Variants in ARHGAP26 observed in about 807,000 individuals in gnomAD.
ARHGAP26 encodes the protein rho GTPase-activating protein 26.
ARHGAP26 carries 38 observed loss-of-function variants against 104.8 expected under a neutral mutation model. That is an observed-to-expected ratio of 0.36 (90% CI 0.28 to 0.48). The LOEUF is 0.48. ARHGAP26 is among the 20% of genes least tolerant of loss of function. The pLI, the probability that ARHGAP26 is intolerant of heterozygous loss-of-function variation, is 0.99. For missense variants in ARHGAP26, 704 were observed against 947.9 expected, an observed-to-expected ratio of 0.74 and a Z score of 3.38; for synonymous variants, 341 against 340.0, an observed-to-expected ratio of 1.00 and a Z score of -0.03.
chr5:142,925,223 C>T (rs967636675), intron 10 of ARHGAP26, among the ~76,000 whole-genome samples: 1 of 152,206 alleles, frequency 6.6e-6, no homozygotes, highest in Non-Finnish European at 1.5e-5. Flanking sequence ...CTGTTGCCCA[C>T]CTCCCCCATG....
At chr5:142,797,569 T>A (rs1023316261) in intron 1 of ARHGAP26, among the ~76,000 whole-genome samples, 1 of 152,218 alleles carries the variant, frequency 6.6e-6, no homozygotes, top group Non-Finnish European at 1.5e-5. Context: ...CCTACGTGGT[T>A]GCTTTTGTTG....
intron 17 of ARHGAP26, among the ~76,000 whole-genome samples, chr5:143,075,998 C>CTTGTTT (rs1270566541): frequency 3.3e-5 from 5 of 149,724 alleles, no homozygotes; most frequent in South Asian, 2.1e-4. Flanking sequence ...TGTGCCTGGC[C>CTTGTTT]TTGTTTTTGT....
chr5:143,024,999 G>T (rs986181630), intron 12 of ARHGAP26, among the ~76,000 whole-genome samples: 1 of 152,078 alleles, frequency 6.6e-6, no homozygotes, highest in Non-Finnish European at 1.5e-5. Context: ...TGGTTTTTTT[G>T]GAAGAATAAA....
chr5:143,092,712 GT>G (rs945707256), intron 17 of ARHGAP26, among the ~76,000 whole-genome samples: 6 of 152,198 alleles, frequency 3.9e-5, no homozygotes, highest in Non-Finnish European at 7.3e-5. Flanking sequence ...AACCTTTTAA[GT>G]TTGGGATTTC....
At chr5:142,892,609 TG>T (rs1472369683) in intron 5 of ARHGAP26, among the ~76,000 whole-genome samples, 2 of 152,090 alleles carry the variant, frequency 1.3e-5, no homozygotes, top group African/African-American at 4.8e-5. Flanking sequence ...TATTTCTGTT[TG>T]GTTTGTTGAT....
At chr5:142,963,187 T>TGTATGTATATATATATACATAC (rs1562164609) in intron 11 of ARHGAP26, among the ~76,000 whole-genome samples, 1 of 96,202 alleles carries the variant, frequency 1.0e-5, no homozygotes, top group African/African-American at 5.7e-5. Context: ...TATATATATA[T>TGTATGTATATATATATACATAC]ATATATATAT....
chr5:143,063,711 A>G (rs1487232701), intron 17 of ARHGAP26, among the ~76,000 whole-genome samples: 1 of 152,160 alleles, frequency 6.6e-6, no homozygotes, highest in Non-Finnish European at 1.5e-5. Flanking sequence ...CCTGTCTGGA[A>G]TGGCCCCTCC....
chr5:143,115,503 A>G (rs747124808), intron 17 of ARHGAP26, among the ~76,000 whole-genome samples: 6 of 151,798 alleles, frequency 4.0e-5, no homozygotes, highest in Non-Finnish European at 5.9e-5. Flanking sequence ...AGTGGAGAAG[A>G]TGCAACCTCT....
At chr5:143,199,657 A>C (rs1401000259) in intron 20 of ARHGAP26, among the ~76,000 whole-genome samples, 1 of 152,134 alleles carries the variant, frequency 6.6e-6, no homozygotes, top group South Asian at 2.1e-4. Flanking sequence ...TGACAGCATA[A>C]AGACCAGCCC....
intron 10 of ARHGAP26, among the ~76,000 whole-genome samples, chr5:142,926,763 CT>C (rs1763964808): frequency 6.6e-6 from 1 of 152,068 alleles, no homozygotes; most frequent in African/African-American, 2.4e-5. Context: ...TGGGTTGTTT[CT>C]TTTCCCTTTG....
At chr5:143,200,953 A>G (rs1807626254) in intron 20 of ARHGAP26, among the ~76,000 whole-genome samples, 1 of 152,222 alleles carries the variant, frequency 6.6e-6, no homozygotes, top group African/African-American at 2.4e-5. Context: ...GTGAGTCACC[A>G]CAGAAGGGTG....
At chr5:143,035,905 C>T (rs1782561139) in intron 12 of ARHGAP26, among the ~76,000 whole-genome samples, 1 of 141,518 alleles carries the variant, frequency 7.1e-6, no homozygotes, top group African/African-American at 2.7e-5. Context: ...CACTGCACTC[C>T]AGCTTGAGCG....
chr5:142,837,966 T>C (rs563989736), intron 1 of ARHGAP26, among the ~76,000 whole-genome samples: 2 of 152,226 alleles, frequency 1.3e-5, no homozygotes, highest in South Asian at 2.1e-4. Flanking sequence ...AGGTATGACA[T>C]GTTGAGGGTA....
chr5:143,171,862 A>C (rs139248144), intron 20 of ARHGAP26, among the ~76,000 whole-genome samples: 1 of 152,094 alleles, frequency 6.6e-6, no homozygotes, highest in African/African-American at 2.4e-5. Context: ...TACTGATTAC[A>C]TTTCCCATTT....
At chr5:143,157,369 C>A (rs1659183) in intron 20 of ARHGAP26, among the ~76,000 whole-genome samples, 2 of 151,624 alleles carry the variant, frequency 1.3e-5, no homozygotes, top group Admixed American at 6.6e-5. Context: ...GCAGAGACAG[C>A]GTTTCACCAT....
At chr5:142,802,843 C>T (rs1762324985) in intron 1 of ARHGAP26, among the ~76,000 whole-genome samples, 1 of 152,144 alleles carries the variant, frequency 6.6e-6, no homozygotes, top group South Asian at 2.1e-4. Context: ...GAGGCCCAAA[C>T]CTGAGTTAGA....
At chr5:143,001,661 C>A (rs903484965) in intron 11 of ARHGAP26, among the ~76,000 whole-genome samples, 2 of 152,192 alleles carry the variant, frequency 1.3e-5, no homozygotes, top group Non-Finnish European at 2.9e-5. Context: ...GGAGTGGATT[C>A]TGCCTGTGAT....
chr5:142,986,473 A>G (rs1357272326), intron 11 of ARHGAP26, among the ~76,000 whole-genome samples: 8 of 152,154 alleles, frequency 5.3e-5, no homozygotes, highest in Non-Finnish European at 1.0e-4. Context: ...GCTCACTCTT[A>G]TGATAGTTCT....
chr5:143,192,134 GCAATT>G lies in ARHGAP26; in HGVS notation c.1989-15059_1989-15055del, dbSNP rs1321239253. On this transcript the variant is annotated intron_variant, in intron 20 of 22. Coordinates refer to ENST00000645722, the MANE Select transcript of ARHGAP26 (RefSeq NM_001135608.3). ...GAGATAAAAGAGGGATAAGACAACT[GCAATT>G]CAATGTAGCATCAAGACGGGAAGAA... is the stretch of plus-strand genomic sequence containing the variant. 2.6e-5 allele frequency among the ~76,000 whole-genome samples: 4 copies of G among 152,324 alleles called. No individual in the cohort carries two copies. In the East Asian group the frequency reaches 7.7e-4, roughly 29 times the overall value.
Sources: gnomAD v4.1 joint callset for allele counts (sites outside exome capture counted in the v4.1 genomes callset) on GRCh38, gnomAD v4.1.1 for gene constraint, MANE v1.5 for transcripts, NCBI Gene and HGNC (gene_info 2026-07-23, HGNC 2026-07-21) for gene names.